NKAIN3: variants seen among roughly 807,000 people sequenced by gnomAD.
The protein encoded by NKAIN3 is sodium/potassium-transporting ATPase subunit beta-1-interacting protein 3.
A neutral mutation model predicts 30.2 loss-of-function variants in NKAIN3; 25 were observed. The ratio of observed to expected loss-of-function variants is 0.83; its 90% CI spans 0.60 to 1.16. NKAIN3 has a LOEUF of 1.16. Ranked by LOEUF, NKAIN3 falls within the 50% of genes most tolerant of loss-of-function variation. The probability of loss-of-function intolerance (pLI) is 0.00; values close to 1 mark genes in which losing one functional copy is unlikely to be tolerated. For synonymous variants in NKAIN3, 91 were observed against 89.6 expected (o/e 1.02, Z -0.09); for missense variants, 225 against 254.1 (o/e 0.89, Z 0.78).
chr8:62,435,011 G>A (rs1178856005), intron 1 of NKAIN3, among the ~76,000 whole-genome samples: 1 of 152,074 alleles, frequency 6.6e-6, no homozygotes, highest in African/African-American at 2.4e-5. Context: ...AGCTCTAACT[G>A]GTGGATGGAG....
At chr8:62,898,734 T>C (rs570588465) in intron 4 of NKAIN3, among the ~76,000 whole-genome samples, 4 of 152,216 alleles carry the variant, frequency 2.6e-5, no homozygotes, top group African/African-American at 9.6e-5. Context: ...ACAAATGGGA[T>C]CACATAAAGT....
chr8:62,713,907 A>G (rs1814807854), intron 3 of NKAIN3, among the ~76,000 whole-genome samples: 1 of 152,202 alleles, frequency 6.6e-6, no homozygotes, highest in Non-Finnish European at 1.5e-5. Flanking sequence ...TTTTATTAAT[A>G]GTTTTTTCAA....
intron 1 of NKAIN3, among the ~76,000 whole-genome samples, chr8:62,431,993 G>T (rs1805015818): frequency 1.3e-5 from 2 of 150,780 alleles, no homozygotes; most frequent in Middle Eastern, 3.4e-3. Context: ...CTTAGCAAAA[G>T]AAATAAAATA....
At chr8:62,327,456 A>AT (rs1815181211) in intron 1 of NKAIN3, among the ~76,000 whole-genome samples, 1 of 152,064 alleles carries the variant, frequency 6.6e-6, no homozygotes, top group Admixed American at 6.6e-5. Flanking sequence ...TAGCTGTAAC[A>AT]TTTAGGTCTT....
intron 1 of NKAIN3, among the ~76,000 whole-genome samples, chr8:62,345,320 T>C (rs1016118072): frequency 4.3e-5 from 1 of 23,448 alleles, no homozygotes; most frequent in Non-Finnish European, 2.1e-4. Flanking sequence ...TATACACACA[T>C]ATATACACAT....
rs1008504779 is a variant in NKAIN3, at chr8:62,347,674, G to A, written c.54+98547G>A. 6.1e-4 allele frequency among the ~76,000 whole-genome samples: 93 copies of A among 152,120 alleles called. 6 individuals carry two copies. The highest frequency in any genetic ancestry group is 1.5e-5 in the Non-Finnish European group (1 of 68,006). On this transcript the variant is annotated intron_variant, in intron 1 of 6. Coordinates refer to ENST00000623646, the MANE Select transcript of NKAIN3 (RefSeq NM_001304533.3). ...ATGTAAGAATAATGCCAGACAAAGTGTAGGATGGGATGATTTTTTGAAAAA... is the reference window on the plus strand; with the variant it reads ...ATGTAAGAATAATGCCAGACAAAGTATAGGATGGGATGATTTTTTGAAAAA...
rs149590990 is a variant in NKAIN3, at chr8:62,329,298, T to C, written c.54+80171T>C. Among the ~76,000 whole-genome samples the C allele has an allele frequency of 6.3e-3, 961 of 152,204 alleles. 7 individuals are homozygous for C. The highest frequency in any genetic ancestry group is 0.022 in the African/African-American group (910 of 41,534). ...TTTGAAAGACTTTTCTATACAGCAA[T>C]CATTAATTAATACAGAGATACATGC... is the stretch of plus-strand genomic sequence containing the variant. On this transcript the variant is annotated intron_variant, in intron 1 of 6. Transcript: ENST00000623646.
intron 4 of NKAIN3, among the ~76,000 whole-genome samples, chr8:62,774,467 C>A (rs948316091): frequency 6.6e-6 from 1 of 152,142 alleles, no homozygotes; most frequent in Admixed American, 6.6e-5. Flanking sequence ...TGAAAGTGAG[C>A]ATCCTTGTCA....
chr8:62,701,940 G>T (rs144309513), intron 3 of NKAIN3, among the ~76,000 whole-genome samples: 43 of 152,258 alleles, frequency 2.8e-4, no homozygotes, highest in Middle Eastern at 6.8e-3. Context: ...GCGCAGTGCG[G>T]CATCTGTCCA....
chr8:62,859,334 C>T (rs944550276), intron 4 of NKAIN3, among the ~76,000 whole-genome samples: 1 of 151,834 alleles, frequency 6.6e-6, no homozygotes, highest in South Asian at 2.1e-4. Flanking sequence ...AGTTCATAAC[C>T]AAGCCTTATC....
At chr8:62,451,392 T>C (rs982696478) in intron 1 of NKAIN3, among the ~76,000 whole-genome samples, 1 of 149,748 alleles carries the variant, frequency 6.7e-6, no homozygotes, top group Non-Finnish European at 1.5e-5. Flanking sequence ...TACTGCAAAG[T>C]CTGTGAATTC....
intron 1 of NKAIN3, among the ~76,000 whole-genome samples, chr8:62,519,140 A>G (rs956773428): frequency 6.6e-6 from 1 of 152,174 alleles, no homozygotes; most frequent in African/African-American, 2.4e-5. Flanking sequence ...TGAGCTTCTA[A>G]TACCAGTGAT....
intron 3 of NKAIN3, among the ~76,000 whole-genome samples, chr8:62,667,879 G>A (rs1055578923): frequency 6.6e-6 from 1 of 151,956 alleles, no homozygotes; most frequent in Non-Finnish European, 1.5e-5. Flanking sequence ...TACTTTCAAG[G>A]TGTTCCTCCA....
At chr8:62,877,877 C>T (rs2130809532) in intron 4 of NKAIN3, among the ~76,000 whole-genome samples, 1 of 152,084 alleles carries the variant, frequency 6.6e-6, no homozygotes, top group African/African-American at 2.4e-5. Flanking sequence ...CCTGTCTCTA[C>T]TAAAAATGCA....
At chr8:62,270,228 T>C (rs1812739251) in intron 1 of NKAIN3, among the ~76,000 whole-genome samples, 1 of 152,008 alleles carries the variant, frequency 6.6e-6, no homozygotes, top group Non-Finnish European at 1.5e-5. Context: ...CACAGTCATG[T>C]GTGACCACAA....
intron 5 of NKAIN3, among the ~76,000 whole-genome samples, chr8:62,921,561 T>C (rs1443539991): frequency 6.6e-6 from 1 of 152,182 alleles, no homozygotes; most frequent in Non-Finnish European, 1.5e-5. Flanking sequence ...CTATTTCTTA[T>C]AAAGATTATG....
Position 62,869,308 on chromosome 8 carries a change from C to A in NKAIN3, c.472-49145C>A, listed in dbSNP as rs889247934. Among the ~76,000 whole-genome samples the A allele has an allele frequency of 8.5e-5, 13 of 152,150 alleles. 1 individual carries two copies. The highest frequency in any genetic ancestry group is 5.9e-4 in the Admixed American group (9 of 15,288). ...GATATTTGTCCTAATGCTCTCCCTCCCCTTGCCGCCACCCGGCGCCCCCCG... is the reference window on the plus strand; with the variant it reads ...GATATTTGTCCTAATGCTCTCCCTCACCTTGCCGCCACCCGGCGCCCCCCG... On this transcript the variant is annotated intron_variant, in intron 4 of 6. Transcript: ENST00000623646.
At chr8:62,441,899 G>T (rs1297873829) in intron 1 of NKAIN3, among the ~76,000 whole-genome samples, 3 of 151,856 alleles carry the variant, frequency 2.0e-5, no homozygotes, top group African/African-American at 4.8e-5. Context: ...CAAGTTAAGG[G>T]ATTTCTCTGT....
chr8:62,314,020 C>T (rs1814534694), intron 1 of NKAIN3, among the ~76,000 whole-genome samples: 2 of 152,032 alleles, frequency 1.3e-5, no homozygotes, highest in African/African-American at 4.8e-5. Flanking sequence ...CATTATTTCT[C>T]CTGATAATCA....
Sources: gnomAD v4.1 joint callset for allele counts (sites outside exome capture counted in the v4.1 genomes callset) on GRCh38, gnomAD v4.1.1 for gene constraint, MANE v1.5 for transcripts, NCBI Gene and HGNC (gene_info 2026-07-23, HGNC 2026-07-21) for gene names.